Variants in SCRG1 observed in about 807,000 individuals in gnomAD.
SCRG1 encodes scrapie-responsive protein 1.
In SCRG1, 3 loss-of-function variants were observed where a neutral mutation model predicts 7.7. The observed-to-expected ratio is 0.39, with a 90% CI of 0.18 to 1.01. SCRG1 has a LOEUF of 1.01. SCRG1 is among the 50% of genes least tolerant of loss of function. The pLI is 0.36. For synonymous variants in SCRG1, 46 were observed against 41.2 expected (o/e 1.12, Z -0.44); for missense variants, 110 against 117.2 (o/e 0.94, Z 0.28).
the SCRG1 span, among the ~76,000 whole-genome samples, chr4:173,454,076 T>TA: frequency 0.66 from 86,233 of 131,198 alleles, 29,217 homozygotes; most frequent in Non-Finnish European, 0.77. Flanking sequence ...AGACTCCGTC[T>TA]AAAAAAAAAA....
the SCRG1 span, among the ~76,000 whole-genome samples, chr4:173,457,551 CT>C: frequency 6.6e-6 from 1 of 152,210 alleles, no homozygotes; most frequent in African/African-American, 2.4e-5. Context: ...ATCTCCCACT[CT>C]CTTTCCCGAG....
chr4:173,511,266 CCG>C, the SCRG1 span, among the ~76,000 whole-genome samples: 1 of 152,116 alleles, frequency 6.6e-6, no homozygotes, highest in African/African-American at 2.4e-5. This position sits in a 1 kb window ranked among gnomAD's most constrained non-coding sequence, Gnocchi z 5.2. Flanking sequence ...GCGTGAGCCA[CCG>C]CGCGCCGGGT....
the SCRG1 span, among the ~76,000 whole-genome samples, chr4:173,447,920 T>A: frequency 1.3e-5 from 2 of 151,960 alleles, no homozygotes; most frequent in Non-Finnish European, 2.9e-5. Flanking sequence ...GCCTGGACAA[T>A]ATGGTAAAAC....
the SCRG1 span, among the ~76,000 whole-genome samples, chr4:173,418,193 T>C: frequency 6.6e-6 from 1 of 152,252 alleles, no homozygotes; most frequent in Non-Finnish European, 1.5e-5. Context: ...GCAGGCAGAA[T>C]ACATTGCCCT....
chr4:173,392,963 C>A (rs554675909), intron 1 of SCRG1, among the ~76,000 whole-genome samples: 2 of 152,020 alleles, frequency 1.3e-5, no homozygotes, highest in Non-Finnish European at 2.9e-5. Context: ...TGGTGGCATG[C>A]GCCTGTAATC....
chr4:173,419,839 C>T, the SCRG1 span: 1 of 1,381,790 alleles, frequency 7.2e-7, no homozygotes, highest in African/African-American at 1.4e-5. Flanking sequence ...CCATGCCTAA[C>T]CTATTGAGAA....
At chr4:173,413,892 C>T in the SCRG1 span, among the ~76,000 whole-genome samples, 9 of 152,138 alleles carry the variant, frequency 5.9e-5, no homozygotes, top group Non-Finnish European at 1.3e-4. Context: ...ATGCTGCACC[C>T]CTTAAGGTTA....
At chr4:173,430,273 C>G in the SCRG1 span, among the ~76,000 whole-genome samples, 1 of 152,176 alleles carries the variant, frequency 6.6e-6, no homozygotes, top group Non-Finnish European at 1.5e-5. Flanking sequence ...GAACCCTAGG[C>G]TGCTCTCACT....
chr4:173,493,222 T>C, the SCRG1 span, among the ~76,000 whole-genome samples: 3 of 152,136 alleles, frequency 2.0e-5, no homozygotes, highest in East Asian at 3.9e-4. Flanking sequence ...TTCCCCCTTG[T>C]TGTTCTTGTG....
chr4:173,481,918 G>T, the SCRG1 span, among the ~76,000 whole-genome samples: 1 of 151,998 alleles, frequency 6.6e-6, no homozygotes, highest in Admixed American at 6.6e-5. Flanking sequence ...ATTTTTGACT[G>T]CAAGGGTGTC....
chr4:173,508,630 C>T, the SCRG1 span, among the ~76,000 whole-genome samples: 2 of 152,204 alleles, frequency 1.3e-5, no homozygotes, highest in African/African-American at 4.8e-5. The surrounding 1 kb of genome is among the most constrained non-coding windows in gnomAD (Gnocchi z 4.4). Flanking sequence ...CAGGGGCCCC[C>T]TGAAAGGCAC....
At chr4:173,406,099 A>C (rs1375133667) in intron 1 of SCRG1, among the ~76,000 whole-genome samples, 1 of 152,232 alleles carries the variant, frequency 6.6e-6, no homozygotes, top group African/African-American at 2.4e-5. Flanking sequence ...TGATGCCTCC[A>C]ACTCTAATCC....
At chr4:173,484,904 C>T in the SCRG1 span, among the ~76,000 whole-genome samples, 4 of 47,586 alleles carry the variant, frequency 8.4e-5, no homozygotes, top group African/African-American at 2.5e-4. Context: ...ATATAATATA[C>T]ATTATGTATA....
chr4:173,461,653 C>T, the SCRG1 span, among the ~76,000 whole-genome samples: 1 of 152,158 alleles, frequency 6.6e-6, no homozygotes, highest in African/African-American at 2.4e-5. Context: ...AATGCCCAGA[C>T]ACCAAAGAAC....
chr4:173,480,958 AG>A, the SCRG1 span, among the ~76,000 whole-genome samples: 6 of 152,294 alleles, frequency 3.9e-5, no homozygotes, highest in South Asian at 1.0e-3. Flanking sequence ...TAAAAAGGTA[AG>A]GAAAAAAACC....
At chr4:173,454,278 G>T in the SCRG1 span, among the ~76,000 whole-genome samples, 1 of 151,988 alleles carries the variant, frequency 6.6e-6, no homozygotes. Context: ...AGCTGAGGGA[G>T]GTTAGGATTG....
the SCRG1 span, among the ~76,000 whole-genome samples, chr4:173,477,139 C>T: frequency 6.6e-6 from 1 of 152,106 alleles, no homozygotes. Context: ...TTGGCTCTTC[C>T]AGCCAAGCTC....
the SCRG1 span, among the ~76,000 whole-genome samples, chr4:173,505,889 G>A: frequency 3.3e-5 from 5 of 152,194 alleles, no homozygotes; most frequent in African/African-American, 1.2e-4. This position sits in a 1 kb window ranked among gnomAD's most constrained non-coding sequence, Gnocchi z 4.4. Flanking sequence ...CCAGTTTAAG[G>A]GTGGGTGGTC....
chr4:173,413,897 A>C, the SCRG1 span, among the ~76,000 whole-genome samples: 1 of 152,176 alleles, frequency 6.6e-6, no homozygotes, highest in Non-Finnish European at 1.5e-5. Context: ...GCACCCCTTA[A>C]GGTTATGCAA....
Sources: allele counts gnomAD v4.1 joint callset (sites outside exome capture counted in the v4.1 genomes callset), GRCh38; gene constraint gnomAD v4.1.1; non-coding constraint Gnocchi (gnomAD v3.1); transcripts MANE v1.5; gene names NCBI Gene and HGNC (gene_info 2026-07-23, HGNC 2026-07-21).